LIN52: variants seen among roughly 807,000 people sequenced by gnomAD.
LIN52 encodes protein lin-52 homolog.
Under a neutral mutation model 18.5 loss-of-function variants are expected in LIN52, and 4 were observed. The ratio of observed to expected loss-of-function variants is 0.22; its 90% CI spans 0.11 to 0.49. The LOEUF (loss-of-function observed/expected upper bound fraction) is 0.49, where lower values mean the gene tolerates loss of function less well. Ranked by LOEUF, LIN52 falls within the 20% of genes least tolerant of loss-of-function variation. LIN52 has a pLI of 0.97. For synonymous variants in LIN52, 34 were observed against 45.5 expected, an observed-to-expected ratio of 0.75 and a Z score of 1.02; for missense variants, 102 against 139.5, an observed-to-expected ratio of 0.73 and a Z score of 1.35.
chr14:74,119,080 A>G (rs1217312969), intron 5 of LIN52, among the ~76,000 whole-genome samples: 1 of 149,448 alleles, frequency 6.7e-6, no homozygotes, highest in Non-Finnish European at 1.5e-5. Context: ...TATTTGGACT[A>G]TTTCCAGCTT....
intron 5 of LIN52, among the ~76,000 whole-genome samples, chr14:74,166,365 C>T (rs1466736448): frequency 1.3e-5 from 2 of 151,738 alleles, no homozygotes; most frequent in Admixed American, 6.6e-5. Flanking sequence ...TATAGACATG[C>T]GCCACCACGC....
At chr14:74,190,567 T>C (rs2061359441) in intron 5 of LIN52, among the ~76,000 whole-genome samples, 1 of 151,716 alleles carries the variant, frequency 6.6e-6, no homozygotes, top group Admixed American at 6.6e-5. Flanking sequence ...AATTTTTGTA[T>C]TTTTACTAGA....
At chr14:74,179,670 GAAAA>G (rs942272700) in intron 5 of LIN52, among the ~76,000 whole-genome samples, 1 of 76,874 alleles carries the variant, frequency 1.3e-5, no homozygotes, top group Non-Finnish European at 3.2e-5. Context: ...AAAAAAAAAA[GAAAA>G]AAAAGAAAAA....
chr14:74,106,540 G>A (rs2060898004), intron 5 of LIN52, among the ~76,000 whole-genome samples: 1 of 152,106 alleles, frequency 6.6e-6, no homozygotes, highest in Non-Finnish European at 1.5e-5. Flanking sequence ...CCAAAGTGCT[G>A]AAATTACAGA....
chr14:74,193,459 A>G (rs2078892857), intron 5 of LIN52, among the ~76,000 whole-genome samples: 1 of 152,008 alleles, frequency 6.6e-6, no homozygotes, highest in African/African-American at 2.4e-5. Flanking sequence ...AAATTTGAGA[A>G]TTTTGGTGTT....
At chr14:74,108,101 T>G (rs2060907969) in intron 5 of LIN52, among the ~76,000 whole-genome samples, 1 of 152,226 alleles carries the variant, frequency 6.6e-6, no homozygotes, top group Admixed American at 6.5e-5. Flanking sequence ...GTCTGGACAT[T>G]GCTTGTAAAT....
chr14:74,093,190 G>A (rs1484295781), intron 2 of LIN52, among the ~76,000 whole-genome samples: 1 of 151,372 alleles, frequency 6.6e-6, no homozygotes, highest in African/African-American at 2.4e-5. Flanking sequence ...CAGGTGATCC[G>A]CCCACCTCGG....
intron 5 of LIN52, among the ~76,000 whole-genome samples, chr14:74,119,515 A>G (rs1426034494): frequency 6.6e-6 from 1 of 152,174 alleles, no homozygotes; most frequent in Non-Finnish European, 1.5e-5. Flanking sequence ...TTGCTAGATC[A>G]TAGGGGTATA....
At chr14:74,095,750 C>G (rs1156511485) in intron 2 of LIN52, among the ~76,000 whole-genome samples, 198 bp from the exon 3 acceptor site, 1 of 152,138 alleles carries the variant, frequency 6.6e-6, no homozygotes, top group Non-Finnish European at 1.5e-5. Flanking sequence ...CTGGGTCTGA[C>G]TTAGCTTGCC....
Position 74,130,278 on chromosome 14 carries a change from G to GTTTGTTTTTTTTTTTTTTTTTTTTTTTTT in LIN52, c.283+29043_283+29044insGTTTTTTTTTTTTTTTTTTTTTTTTTTTT, listed in dbSNP as rs1555382571. On this transcript the variant is annotated intron_variant, in intron 5 of 5. Transcript: ENST00000555028. ...GAATTTATTAGATAGGCATTTTTTG[G>GTTTGTTTTTTTTTTTTTTTTTTTTTTTTT]TTTTTTTTTTTTTTTTTTGAGACAG... Among the ~76,000 whole-genome samples the GTTTGTTTTTTTTTTTTTTTTTTTTTTTTT allele has an allele frequency of 9.3e-5, 6 of 64,824 alleles. 1 individual carries two copies. The highest frequency in any genetic ancestry group is 3.8e-4 in the African/African-American group (6 of 15,880). 42.5% of individuals were successfully genotyped at this position (64,824 alleles called of 152,430 possible). A position where few individuals can be genotyped will look rare whatever the true frequency, so the allele number is the denominator to read the frequency against.
chr14:74,191,237 C>A (rs368932837), intron 5 of LIN52, among the ~76,000 whole-genome samples: 3 of 152,242 alleles, frequency 2.0e-5, no homozygotes, highest in African/African-American at 7.2e-5. Context: ...TACCTGTTAA[C>A]AACAGCTAGC....
chr14:74,085,157 C>T (rs2060716735), intron 1 of LIN52, 164 bp downstream of exon 1: 1 of 573,166 alleles, frequency 1.7e-6, no homozygotes, highest in African/African-American at 1.9e-5. Flanking sequence ...CTCACCGGTT[C>T]TTCACAGCAG....
intron 5 of LIN52, among the ~76,000 whole-genome samples, chr14:74,173,727 G>C (rs904884430): frequency 1.3e-5 from 2 of 152,080 alleles, no homozygotes; most frequent in African/African-American, 2.4e-5. Flanking sequence ...TCAAAATATA[G>C]TATCTTTGTT....
intron 1 of LIN52, among the ~76,000 whole-genome samples, chr14:74,086,655 AG>A (rs1480936088): frequency 2.0e-5 from 3 of 149,666 alleles, no homozygotes; most frequent in South Asian, 4.2e-4. Context: ...ACCCCGTCTC[AG>A]AAAAAAAAGA....
chr14:74,101,963 C>CA (rs760348111), intron 5 of LIN52, among the ~76,000 whole-genome samples: 3 of 152,088 alleles, frequency 2.0e-5, no homozygotes, highest in Non-Finnish European at 2.9e-5. Context: ...TTTGTAGAGA[C>CA]AGAGTCTCAC....
chr14:74,138,153 C>T (rs566415846), intron 5 of LIN52, among the ~76,000 whole-genome samples: 3 of 152,264 alleles, frequency 2.0e-5, no homozygotes, highest in South Asian at 2.1e-4. Context: ...CCTGATCTAA[C>T]GTTTTTCACA....
intron 1 of LIN52, among the ~76,000 whole-genome samples, chr14:74,089,897 C>T (rs74711344): frequency 6.6e-6 from 1 of 152,194 alleles, no homozygotes; most frequent in South Asian, 2.1e-4. Flanking sequence ...GGAGAGGGAG[C>T]ACGCAGATGG....
intron 5 of LIN52, among the ~76,000 whole-genome samples, chr14:74,190,462 G>A (rs1165147445): frequency 1.5e-5 from 2 of 137,008 alleles, no homozygotes; most frequent in Admixed American, 8.1e-5. Flanking sequence ...TGCGATCTCA[G>A]CTCACTGCAA....
intron 4 of LIN52, among the ~76,000 whole-genome samples, 169 bp from the exon 5 acceptor site, chr14:74,100,986 C>T (rs940772677): frequency 3.3e-5 from 5 of 152,096 alleles, no homozygotes; most frequent in Admixed American, 6.6e-5. Flanking sequence ...TGGGAAAATT[C>T]CCTGATTTGT....
Sources: allele counts gnomAD v4.1 joint callset (sites outside exome capture counted in the v4.1 genomes callset), GRCh38; gene constraint gnomAD v4.1.1; transcripts MANE v1.5; gene names NCBI Gene and HGNC (gene_info 2026-07-23, HGNC 2026-07-21).